Variants in MAMDC2 observed in about 807,000 individuals in gnomAD.
The protein encoded by MAMDC2 is MAM domain containing 2, also known as MAM domain-containing protein 2.
A neutral mutation model predicts 89.8 loss-of-function variants in MAMDC2; 57 were observed. That is an observed-to-expected ratio of 0.63 (90% confidence interval 0.51 to 0.79). MAMDC2 has a LOEUF of 0.79. Among genes scored for constraint, MAMDC2 ranks in the 30% least tolerant of loss-of-function variants. MAMDC2 has a pLI of 0.00. For synonymous variants in MAMDC2, 313 were observed against 293.4 expected (o/e 1.07, Z -0.68); for missense variants, 800 against 820.6 (o/e 0.97, Z 0.31).
chr9:70,131,610 C>A lies in MAMDC2; in HGVS notation c.992C>A (p.Thr331Lys). 6.2e-7 allele frequency: 1 copy of A among 1,603,208 alleles called. No homozygotes were observed. Among genetic ancestry groups the A allele is most frequent in the African/African-American group, 1.3e-5 (1 of 74,608 alleles). Residue 331 changes from threonine (T) to lysine (K), a missense_variant and splice_region_variant, in exon 7 of 14, where the codon ACA becomes AAA. By Grantham distance (78) the Thr-to-Lys change is moderately conservative. Transcript: ENST00000377182. Reference protein sequence around the residue: ...SFSPVHCQNQTELLFSAVEAS... With the variant: ...SFSPVHCQNQKELLFSAVEAS... ...TCTCCTGTTCACTGCCAGAATCAGA[C>A]AGGTGAGCATTCTCTATTTGTCATT...
chr9:70,226,897 G>GTA lies in MAMDC2; in HGVS notation c.*873_*874dup, dbSNP rs2033647315. 1 of 151,904 alleles carries GTA rather than the reference G, an allele frequency of 6.6e-6. No homozygotes were observed. Among genetic ancestry groups the GTA allele is most frequent in the Non-Finnish European group, 1.5e-5 (1 of 67,912 alleles). The allele number at this position is 151,904 out of a possible 1,614,324, so 9.4% of individuals were successfully genotyped here. ...CTTTTATTTACTTGTTTAGAAAATT[G>GTA]TATATATATGTTTGTGTATCCTAAC... On this transcript the variant is annotated 3_prime_UTR_variant, in exon 14 of 14. Coordinates refer to ENST00000377182, the MANE Select transcript of MAMDC2 (RefSeq NM_153267.5).
chr9:70,065,866 T>G (rs1400027036), intron 2 of MAMDC2, among the ~76,000 whole-genome samples: 2 of 152,300 alleles, frequency 1.3e-5, no homozygotes, highest in East Asian at 3.9e-4. Flanking sequence ...ATTCCTTGCA[T>G]GTTTGCAGAA....
chr9:70,166,180 G>A (rs962198463), intron 9 of MAMDC2, among the ~76,000 whole-genome samples: 1 of 151,478 alleles, frequency 6.6e-6, no homozygotes, highest in Non-Finnish European at 1.5e-5. Flanking sequence ...GGTGGAGAAT[G>A]CAGTGAGCTG....
chr9:70,202,848 G>C (rs1346537866), intron 11 of MAMDC2, among the ~76,000 whole-genome samples: 1 of 150,428 alleles, frequency 6.6e-6, no homozygotes, highest in Non-Finnish European at 1.5e-5. Context: ...TTGGTTTAAA[G>C]TCTGTTTTAT....
intron 5 of MAMDC2, among the ~76,000 whole-genome samples, chr9:70,120,454 G>A (rs1774239613): frequency 6.6e-6 from 1 of 152,172 alleles, no homozygotes; most frequent in Admixed American, 6.5e-5. Context: ...GTAAGAAAAG[G>A]GAAGCAATCC....
Position 70,109,703 on chromosome 9 carries a change from C to T in MAMDC2, c.421-17C>T, listed in dbSNP as rs1228466811. The T allele has an allele frequency of 3.1e-6, 5 of 1,592,120 alleles. No individual in the cohort carries two copies. The highest frequency in any genetic ancestry group is 3.4e-5 in the Admixed American group (2 of 59,658). On this transcript the variant is annotated splice_polypyrimidine_tract_variant and intron_variant, in intron 3 of 13. Transcript: ENST00000377182. ...GTTTTGAAGTCTAACTCCCCTTCTT[C>T]CCCATATGTTGTGCAGATTTTAATA...
At position 70,179,699 on chromosome 9, in the gene MAMDC2, T is replaced by C. The variant is rs533358107; in HGVS notation, c.1651+9068T>C. ...ATTTCAAACTCTTAGCCAGAAGATATATGCTCCTATAAAATTCCAGCCAGG... is the reference window on the plus strand; with the variant it reads ...ATTTCAAACTCTTAGCCAGAAGATACATGCTCCTATAAAATTCCAGCCAGG... On this transcript the variant is annotated intron_variant, in intron 11 of 13. Coordinates refer to ENST00000377182, the MANE Select transcript of MAMDC2 (RefSeq NM_153267.5). 6.7e-5 allele frequency among the ~76,000 whole-genome samples: 10 copies of C among 149,810 alleles called. No individual in the cohort carries two copies. In the South Asian group the frequency reaches 1.3e-3, roughly 19 times the overall value.
rs763352232 is a variant in MAMDC2 at position 70,218,493 on chromosome 9, AG to A, written c.1810del (p.Glu604LysfsTer24). On this transcript the variant is annotated frameshift_variant, in exon 12 of 14. Transcript: ENST00000377182. LOFTEE classifies it high-confidence loss of function. Reference protein sequence around the residue: ...GTGLLSVYLKKEEDSEESLLW... With the variant: ...GTGLLSVYLKXEEDSEESLLW... ...GGCCTGCTGAGTGTTTATCTGAAAA[AG>A]GAAGAAGACAGTGAAGAGTCCCTCT... 3.7e-6 allele frequency: 6 copies of A among 1,614,110 alleles called. No homozygotes were observed. In the African/African-American group the frequency reaches 8.0e-5, roughly 22 times the overall value.
chr9:70,192,299 G>A (rs1234619284), intron 11 of MAMDC2, among the ~76,000 whole-genome samples: 6 of 151,980 alleles, frequency 3.9e-5, no homozygotes, highest in Admixed American at 3.9e-4. Flanking sequence ...AGAGACAGAG[G>A]GGATGTCTTT....
chr9:70,100,721 A>C (rs1238572477), intron 2 of MAMDC2, among the ~76,000 whole-genome samples: 2 of 152,214 alleles, frequency 1.3e-5, no homozygotes, highest in Non-Finnish European at 2.9e-5. Context: ...TGGGCCCAGC[A>C]CTAAAAGCAC....
At chr9:70,207,274 C>T (rs2033246794) in intron 11 of MAMDC2, among the ~76,000 whole-genome samples, 1 of 152,126 alleles carries the variant, frequency 6.6e-6, no homozygotes, top group African/African-American at 2.4e-5. Context: ...TATTTCTCCA[C>T]ATCCTCTCCA....
chr9:70,211,152 CTGAATTTCT>C (rs1191657292), intron 11 of MAMDC2, among the ~76,000 whole-genome samples: 1 of 152,134 alleles, frequency 6.6e-6, no homozygotes, highest in Non-Finnish European at 1.5e-5. Flanking sequence ...TCTGAATTTC[CTGAATTTCT>C]ATGTTGGCTT....
At chr9:70,139,842 G>C (rs2031146011) in intron 7 of MAMDC2, among the ~76,000 whole-genome samples, 1 of 152,088 alleles carries the variant, frequency 6.6e-6, no homozygotes, top group African/African-American at 2.4e-5. Flanking sequence ...ATCTCATTGT[G>C]GTTTTGATTT....
At chr9:70,205,970 T>C (rs907449811) in intron 11 of MAMDC2, among the ~76,000 whole-genome samples, 2 of 79,386 alleles carry the variant, frequency 2.5e-5, no homozygotes, top group Non-Finnish European at 5.4e-5. Flanking sequence ...CAAGTGTCAT[T>C]TGCAAGTCAA....
rs1225404558 is a variant in MAMDC2, at chr9:70,217,267, G to A, written c.1652-1070G>A. The A allele has an allele frequency of 4.6e-6, 5 of 1,081,508 alleles. 1 individual carries two copies. Among genetic ancestry groups the A allele is most frequent in the South Asian group, 2.5e-5 (2 of 80,386 alleles). 67.0% of individuals were successfully genotyped at this position (1,081,508 alleles called of 1,614,324 possible). ...ACAGGGGAGGCACTACGCCAGGACC[G>A]ACGGGAAGGTTTTCGAGTTTCTTAA... is the stretch of plus-strand genomic sequence containing the variant. On this transcript the variant is annotated intron_variant, in intron 11 of 13. Coordinates refer to ENST00000377182, the MANE Select transcript of MAMDC2 (RefSeq NM_153267.5).
chr9:70,170,443 G>A, intron 10 of MAMDC2, 36 bp from the exon 11 acceptor site: 2 of 1,577,600 alleles, frequency 1.3e-6, no homozygotes, highest in Non-Finnish European at 1.7e-6. Context: ...CATTGAAAGA[G>A]TCTCAGTGAT....
At chr9:70,092,492 G>C (rs1827925481) in intron 2 of MAMDC2, 1 of 152,210 alleles carries the variant, frequency 6.6e-6, no homozygotes, top group Non-Finnish European at 1.5e-5. Flanking sequence ...GAAGGAGCAG[G>C]AGTCAGTTTT....
chr9:70,054,855 G>C lies in MAMDC2; in HGVS notation c.148+10158G>C, dbSNP rs563229157. The stretch of plus-strand genomic sequence containing the variant: ...AATTTTATTTCTACTGTAAATACAG[G>C]GGAGGTGGGAGCTTGGGCTGAATCT... On this transcript the variant is annotated intron_variant, in intron 2 of 13. Coordinates refer to ENST00000377182, the MANE Select transcript of MAMDC2 (RefSeq NM_153267.5). 3.3e-5 allele frequency among the ~76,000 whole-genome samples: 5 copies of C among 152,194 alleles called. No homozygotes were observed. In the South Asian group the frequency reaches 1.0e-3, roughly 32 times the overall value.
intron 11 of MAMDC2, among the ~76,000 whole-genome samples, chr9:70,207,374 T>G (rs1436904671): frequency 6.6e-6 from 1 of 152,246 alleles, no homozygotes; most frequent in African/African-American, 2.4e-5. Context: ...ATTTCTCTGA[T>G]GGCCAGTGCT....
Sources: allele counts gnomAD v4.1 joint callset (sites outside exome capture counted in the v4.1 genomes callset), GRCh38; gene constraint gnomAD v4.1.1; transcripts MANE v1.5; gene names NCBI Gene and HGNC (gene_info 2026-07-23, HGNC 2026-07-21).